Variants in RBFOX1 observed in about 807,000 individuals in gnomAD.
RBFOX1 encodes the protein RNA binding protein fox-1 homolog 1.
In RBFOX1, 8 loss-of-function variants were observed where a neutral mutation model predicts 57.7. That is an observed-to-expected ratio of 0.14 (90% CI 0.08 to 0.25). The LOEUF (loss-of-function observed/expected upper bound fraction) is 0.25, where lower values mean the gene tolerates loss of function less well. RBFOX1 is among the 10% of genes least tolerant of loss of function. The pLI, the probability that RBFOX1 is intolerant of heterozygous loss-of-function variation, is 1.00. For missense variants in RBFOX1, 611 were observed against 548.5 expected (o/e 1.11, Z -1.14); for synonymous variants, 326 against 222.4 (o/e 1.47, Z -4.15).
intron 2 of RBFOX1, among the ~76,000 whole-genome samples, chr16:6,368,617 A>C (rs762904745): frequency 1.3e-5 from 2 of 152,144 alleles, no homozygotes; most frequent in Non-Finnish European, 2.9e-5. Context: ...TAGCTCTTAC[A>C]TTCCTAGAAG....
At position 7,452,579 on chromosome 16, in the gene RBFOX1, G is replaced by A. The variant is rs1213962465; in HGVS notation, c.28-65568G>A. Among the ~76,000 whole-genome samples, 4 of 152,168 alleles carry A rather than the reference G, an allele frequency of 2.6e-5. No individual in the cohort carries two copies. In the South Asian group the frequency reaches 8.3e-4, roughly 31 times the overall value. On this transcript the variant is annotated intron_variant, in intron 4 of 15. Coordinates refer to ENST00000550418, the MANE Select transcript of RBFOX1 (RefSeq NM_018723.4). Reference sequence around the variant, plus strand: ...TCTTACCTGTGGAAAGGTGTGGATTGATATCTTTATTTATTCATGCATGAA... The same window carrying A: ...TCTTACCTGTGGAAAGGTGTGGATTAATATCTTTATTTATTCATGCATGAA...
intron 3 of RBFOX1, among the ~76,000 whole-genome samples, chr16:6,830,056 A>G (rs2092593552): frequency 1.3e-5 from 2 of 152,176 alleles, no homozygotes; most frequent in South Asian, 4.1e-4. Flanking sequence ...AACTAGGATT[A>G]CAGGCACACA....
chr16:6,492,443 C>T (rs1273152568), intron 2 of RBFOX1, among the ~76,000 whole-genome samples: 2 of 152,138 alleles, frequency 1.3e-5, no homozygotes, highest in African/African-American at 4.8e-5. Context: ...TGGCAGGTGC[C>T]TGTTAGTCCC....
chr16:7,699,837 A>G (rs1453710129), intron 14 of RBFOX1, among the ~76,000 whole-genome samples: 1 of 152,094 alleles, frequency 6.6e-6, no homozygotes. Context: ...TTAGAACCAC[A>G]TTTTTCATTT....
intron 3 of RBFOX1, among the ~76,000 whole-genome samples, chr16:6,865,859 T>A (rs1050057330): frequency 7.2e-5 from 11 of 152,200 alleles, no homozygotes; most frequent in Non-Finnish European, 4.4e-5. Context: ...GCGTGTAGGC[T>A]TATTTCTTCC....
At chr16:6,719,531 C>A (rs1053822403) in intron 3 of RBFOX1, among the ~76,000 whole-genome samples, 1 of 151,730 alleles carries the variant, frequency 6.6e-6, no homozygotes, top group African/African-American at 2.4e-5. Flanking sequence ...AGCTCCACCT[C>A]CTGGGTTCAT....
chr16:6,201,481 G>A (rs766776141), intron 1 of RBFOX1, among the ~76,000 whole-genome samples: 49 of 152,238 alleles, frequency 3.2e-4, no homozygotes, highest in Middle Eastern at 3.4e-3. Flanking sequence ...TGGACTTACA[G>A]AGATAGAGTG....
intron 2 of RBFOX1, among the ~76,000 whole-genome samples, chr16:6,451,996 A>T (rs961865282): frequency 2.1e-5 from 3 of 144,316 alleles, no homozygotes; most frequent in Non-Finnish European, 3.0e-5. Context: ...CCATGGTTCC[A>T]TCCATGGCTC....
chr16:7,239,207 T>C (rs978834699), intron 4 of RBFOX1, among the ~76,000 whole-genome samples: 53 of 152,114 alleles, frequency 3.5e-4, no homozygotes, highest in African/African-American at 1.2e-3. Flanking sequence ...GTACTGTGGG[T>C]GCCAGGATGC....
At chr16:5,544,306 C>G (rs1007617944) in intron 2 of RBFOX1, among the ~76,000 whole-genome samples, 2 of 152,066 alleles carry the variant, frequency 1.3e-5, no homozygotes. Flanking sequence ...TTTTTGAAAC[C>G]AGCACATGTT....
At chr16:7,131,629 A>G (rs2151976899) in intron 4 of RBFOX1, among the ~76,000 whole-genome samples, 1 of 151,716 alleles carries the variant, frequency 6.6e-6, no homozygotes, top group African/African-American at 2.4e-5. Flanking sequence ...TCAAGCAGAG[A>G]GTTGGGCCCA....
intron 1 of RBFOX1, among the ~76,000 whole-genome samples, chr16:6,238,822 A>G (rs976619207): frequency 3.9e-5 from 6 of 152,188 alleles, no homozygotes; most frequent in African/African-American, 1.2e-4. Context: ...GTTTTGATAT[A>G]GACGTGCAAT....
intron 2 of RBFOX1, among the ~76,000 whole-genome samples, chr16:5,502,928 A>G (rs552181605): frequency 5.6e-4 from 86 of 152,338 alleles, no homozygotes; most frequent in African/African-American, 2.0e-3. Context: ...CTCCCCCTGC[A>G]GAGGAAATTC....
chr16:7,449,217 C>A (rs1382605106), intron 4 of RBFOX1, among the ~76,000 whole-genome samples: 2 of 152,046 alleles, frequency 1.3e-5, no homozygotes, highest in Non-Finnish European at 2.9e-5. Context: ...GCGTGAGCCA[C>A]CATGCCCAGC....
chr16:6,524,059 T>C (rs1224963431), intron 2 of RBFOX1, among the ~76,000 whole-genome samples: 1 of 152,206 alleles, frequency 6.6e-6, no homozygotes, highest in African/African-American at 2.4e-5. Context: ...TTATTGAGTA[T>C]AGTCACCCTG....
intron 1 of RBFOX1, among the ~76,000 whole-genome samples, chr16:5,416,180 C>T (rs995565261): frequency 2.6e-5 from 4 of 152,108 alleles, no homozygotes; most frequent in Admixed American, 6.5e-5. Context: ...ATCCTCACAG[C>T]GACTCCTGGA....
chr16:6,768,429 G>C (rs1019587912), intron 3 of RBFOX1, among the ~76,000 whole-genome samples: 1 of 151,842 alleles, frequency 6.6e-6, no homozygotes, highest in African/African-American at 2.4e-5. Flanking sequence ...AAACATATAA[G>C]AGTGCAGAGA....
intron 3 of RBFOX1, among the ~76,000 whole-genome samples, chr16:6,784,836 G>A (rs2081649127): frequency 6.6e-6 from 1 of 151,926 alleles, no homozygotes; most frequent in Non-Finnish European, 1.5e-5. Flanking sequence ...ATTGTTTTAA[G>A]AAAAATGAGT....
intron 3 of RBFOX1, among the ~76,000 whole-genome samples, chr16:6,912,601 TC>T (rs879295086): frequency 4.0e-4 from 50 of 125,640 alleles, no homozygotes; most frequent in South Asian, 3.3e-3. Flanking sequence ...TGCTTTCTTT[TC>T]TTGTGTGTGT....
Sources: allele counts gnomAD v4.1 joint callset (sites outside exome capture counted in the v4.1 genomes callset), GRCh38; gene constraint gnomAD v4.1.1; transcripts MANE v1.5; gene names NCBI Gene and HGNC (gene_info 2026-07-23, HGNC 2026-07-21).